EPC1: variants seen among roughly 807,000 people sequenced by gnomAD.
EPC1 encodes the protein enhancer of polycomb homolog 1.
A neutral mutation model predicts 98.4 loss-of-function variants in EPC1; 12 were observed. The observed-to-expected ratio is 0.12, with a 90% CI of 0.08 to 0.20. The LOEUF is 0.20. Among genes scored for constraint, EPC1 ranks in the 10% least tolerant of loss-of-function variants. The probability of loss-of-function intolerance (pLI) is 1.00; values close to 1 mark genes in which losing one functional copy is unlikely to be tolerated. For synonymous variants in EPC1, 357 were observed against 363.9 expected, an observed-to-expected ratio of 0.98 and a Z score of 0.21; for missense variants, 729 against 990.5, an observed-to-expected ratio of 0.74 and a Z score of 3.54.
intron 2 of EPC1, among the ~76,000 whole-genome samples, chr10:32,296,426 G>A (rs1213946694): frequency 6.6e-6 from 1 of 152,130 alleles, no homozygotes; most frequent in Non-Finnish European, 1.5e-5. Flanking sequence ...GCTTCTGGTA[G>A]ATATTATATT....
chr10:32,372,892 C>T (rs1404020151), intron 1 of EPC1, among the ~76,000 whole-genome samples: 4 of 152,088 alleles, frequency 2.6e-5, no homozygotes, highest in Non-Finnish European at 5.9e-5. Context: ...GGTGTGGTGG[C>T]GGGCGCCTGT....
At chr10:32,363,363 G>A (rs966418704) in intron 1 of EPC1, among the ~76,000 whole-genome samples, 1 of 152,216 alleles carries the variant, frequency 6.6e-6, no homozygotes, top group African/African-American at 2.4e-5. Context: ...CCGCAAGCTT[G>A]AGCTACCGTG....
intron 1 of EPC1, among the ~76,000 whole-genome samples, chr10:32,356,835 T>A (rs1839293659): frequency 1.3e-5 from 2 of 151,890 alleles, no homozygotes; most frequent in South Asian, 2.1e-4. Context: ...ATACAAAAAA[T>A]TAGCTGGGCG....
At chr10:32,287,322 A>G (rs1836742521) in intron 6 of EPC1, 48 bp from the exon 7 acceptor site, 2 of 1,596,532 alleles carry the variant, frequency 1.3e-6, no homozygotes, top group African/African-American at 2.7e-5. Context: ...CATGTTCAAC[A>G]AATTTGCAGT....
chr10:32,271,459 G>T (rs1042294271), intron 13 of EPC1, 95 bp downstream of exon 13: 48 of 1,366,070 alleles, frequency 3.5e-5, no homozygotes, highest in African/African-American at 7.3e-5. Context: ...AAAAGGAAAA[G>T]AACAAGAAAC....
rs1835857278 is a variant in EPC1 at position 32,271,819 on chromosome 10, T to C, written c.2104A>G (p.Ile702Val). 8 of 1,614,032 alleles carry C rather than the reference T, an allele frequency of 5.0e-6. No homozygotes were observed. Among genetic ancestry groups the C allele is most frequent in the Admixed American group, 1.7e-5 (1 of 59,986 alleles). ...CTGTGGGAACTTGAAGTCTGTGTAA[T>C]ATTTGAAGGCTGTAACAAAGCTGAA... is the stretch of plus-strand genomic sequence containing the variant. ...AGSALLQPSN[I>V]TQTSSSHSAL... Residue 702 changes from isoleucine to valine, a missense_variant, in exon 13 of 14, where the codon ATT (isoleucine) becomes GTT (valine). By Grantham distance (29) the Ile-to-Val change is conservative. Transcript: ENST00000319778.
chr10:32,373,607 C>T (rs1839810100), intron 1 of EPC1, among the ~76,000 whole-genome samples: 1 of 152,056 alleles, frequency 6.6e-6, no homozygotes, highest in South Asian at 2.1e-4. Flanking sequence ...CTCTAAGAAA[C>T]ACTGTGCTAT....
intron 1 of EPC1, chr10:32,345,630 GA>G (rs1592625535): frequency 4.1e-6 from 4 of 985,244 alleles, no homozygotes; most frequent in East Asian, 1.1e-4. Flanking sequence ...GGATCTGGGG[GA>G]AATGAGAGGA....
At chr10:32,333,798 C>G (rs1837787524) in intron 1 of EPC1, among the ~76,000 whole-genome samples, 1 of 152,122 alleles carries the variant, frequency 6.6e-6, no homozygotes. Flanking sequence ...AGTAAAAGCT[C>G]AAGGTAGTAA....
chr10:32,303,245 T>G (rs1835678042), intron 2 of EPC1, among the ~76,000 whole-genome samples: 1 of 152,198 alleles, frequency 6.6e-6, no homozygotes, highest in Non-Finnish European at 1.5e-5. Context: ...CAGGTTGCAG[T>G]GAGCTGGGAC....
At chr10:32,313,975 T>C (rs563922763) in intron 1 of EPC1, among the ~76,000 whole-genome samples, 4 of 152,294 alleles carry the variant, frequency 2.6e-5, no homozygotes, top group African/African-American at 9.6e-5. Flanking sequence ...TATAACATGC[T>C]GGATGGGTAA....
At chr10:32,280,665 G>T (rs1485116497) in intron 10 of EPC1, among the ~76,000 whole-genome samples, 1 of 151,566 alleles carries the variant, frequency 6.6e-6, no homozygotes, top group South Asian at 2.1e-4. Context: ...TTGAACCGGG[G>T]AGGTGGAGGT....
intron 1 of EPC1, among the ~76,000 whole-genome samples, chr10:32,326,825 T>C (rs2132943246): frequency 6.6e-6 from 1 of 151,794 alleles, no homozygotes; most frequent in East Asian, 1.9e-4. Context: ...ATCAGGAAAA[T>C]GCAAATCGAC....
chr10:32,377,121 A>G (rs1199673453), intron 1 of EPC1: 1 of 152,218 alleles, frequency 6.6e-6, no homozygotes, highest in African/African-American at 2.4e-5. Flanking sequence ...AAATTTTTAA[A>G]GCCAAAAGCA....
At chr10:32,277,044 C>A (rs909038839) in intron 10 of EPC1, among the ~76,000 whole-genome samples, 3 of 152,058 alleles carry the variant, frequency 2.0e-5, no homozygotes, top group Non-Finnish European at 4.4e-5. Context: ...TGAGGTCACA[C>A]ATATGTAACA....
intron 1 of EPC1, among the ~76,000 whole-genome samples, chr10:32,377,744 G>C (rs1839898241): frequency 6.6e-6 from 1 of 150,844 alleles, no homozygotes; most frequent in Non-Finnish European, 1.5e-5. Flanking sequence ...AATTGTTGAG[G>C]AGCACTACAG....
intron 1 of EPC1, among the ~76,000 whole-genome samples, chr10:32,371,796 G>A (rs1839758741): frequency 6.6e-6 from 1 of 151,946 alleles, no homozygotes; most frequent in African/African-American, 2.4e-5. Context: ...CAGCTACTCG[G>A]GGAGGCTGAG....
At chr10:32,320,321 A>C (rs1836829374) in intron 1 of EPC1, among the ~76,000 whole-genome samples, 1 of 152,190 alleles carries the variant, frequency 6.6e-6, no homozygotes, top group Non-Finnish European at 1.5e-5. Flanking sequence ...AGTCAGTGAA[A>C]GTCTCTTTCT....
intron 1 of EPC1, among the ~76,000 whole-genome samples, chr10:32,316,696 A>T (rs1050387338): frequency 1.1e-4 from 17 of 152,216 alleles, no homozygotes; most frequent in Non-Finnish European, 1.6e-4. Flanking sequence ...TTCTGGAATG[A>T]TGGTAATGTT....
Sources: gnomAD v4.1 joint callset for allele counts (sites outside exome capture counted in the v4.1 genomes callset) on GRCh38, gnomAD v4.1.1 for gene constraint, MANE v1.5 for transcripts, NCBI Gene and HGNC (gene_info 2026-07-23, HGNC 2026-07-21) for gene names.